The following TSPAN5 variants were observed in gnomAD, a reference collection of about 807,000 sequenced individuals.
The protein encoded by TSPAN5 is tetraspanin-5.
A neutral mutation model predicts 37.1 loss-of-function variants in TSPAN5; 10 were observed. The observed-to-expected ratio is 0.27, with a 90% CI of 0.17 to 0.46. TSPAN5 has a LOEUF of 0.46. TSPAN5 is among the 20% of genes least tolerant of loss of function. TSPAN5 has a pLI of 1.00. For synonymous variants in TSPAN5, 110 were observed against 118.9 expected, an observed-to-expected ratio of 0.93 and a Z score of 0.48; for missense variants, 195 against 326.6, an observed-to-expected ratio of 0.60 and a Z score of 3.11.
At chr4:98,481,006 C>T (rs952046482) in intron 4 of TSPAN5, among the ~76,000 whole-genome samples, 1 of 151,988 alleles carries the variant, frequency 6.6e-6, no homozygotes, top group Non-Finnish European at 1.5e-5. Flanking sequence ...TATCCAACCC[C>T]AAGAAGGCTA....
chr4:98,518,658 T>G (rs529679332), intron 1 of TSPAN5, among the ~76,000 whole-genome samples: 1 of 152,332 alleles, frequency 6.6e-6, no homozygotes, highest in East Asian at 1.9e-4. Context: ...TGCAAGTGGT[T>G]CCAGGGCTGG....
rs1362114676 is a variant in TSPAN5, at chr4:98,470,951, G to A, written c.*1571C>T. 4 of 152,182 alleles carry A rather than the reference G, an allele frequency of 2.6e-5. No homozygotes were observed. Among genetic ancestry groups the A allele is most frequent in the African/African-American group, 9.7e-5 (4 of 41,430 alleles). 9.4% of individuals were successfully genotyped at this position (152,182 alleles called of 1,614,324 possible). A position where few individuals can be genotyped will look rare whatever the true frequency, so the allele number is the denominator to read the frequency against. ...AAAATGTGCCTGTGGTTTTCCCAGA[G>A]TTCCACAGACTGATATCTGCTCCCC... On this transcript the variant is annotated 3_prime_UTR_variant, in exon 8 of 8. Transcript: ENST00000305798.
intron 2 of TSPAN5, among the ~76,000 whole-genome samples, chr4:98,489,514 A>G (rs1753041211): frequency 6.6e-6 from 1 of 152,100 alleles, no homozygotes; most frequent in South Asian, 2.1e-4. Flanking sequence ...ACTCTATTAA[A>G]TCTTGCAAAC....
intron 1 of TSPAN5, among the ~76,000 whole-genome samples, chr4:98,619,585 A>G (rs538750721): frequency 6.6e-6 from 1 of 152,348 alleles, no homozygotes; most frequent in African/African-American, 2.4e-5. Flanking sequence ...AGTGAGCAAA[A>G]TAAGCTTACT....
chr4:98,638,057 T>C (rs1344488704), intron 1 of TSPAN5, among the ~76,000 whole-genome samples: 1 of 152,174 alleles, frequency 6.6e-6, no homozygotes, highest in Non-Finnish European at 1.5e-5. Context: ...CACCTGTCTC[T>C]TCTTATTTCA....
intron 1 of TSPAN5, among the ~76,000 whole-genome samples, chr4:98,612,791 C>G (rs1470567561): frequency 6.6e-6 from 1 of 152,214 alleles, no homozygotes; most frequent in Non-Finnish European, 1.5e-5. Context: ...CTCCCTTACT[C>G]TGTCCCCTCA....
intron 1 of TSPAN5, among the ~76,000 whole-genome samples, chr4:98,534,893 C>A (rs1363412017): frequency 6.6e-6 from 1 of 152,070 alleles, no homozygotes; most frequent in African/African-American, 2.4e-5. Context: ...GGTAAATATT[C>A]CTCCATCCCT....
chr4:98,632,544 C>T (rs530159096), intron 1 of TSPAN5, among the ~76,000 whole-genome samples: 11 of 152,122 alleles, frequency 7.2e-5, no homozygotes, highest in Non-Finnish European at 1.5e-4. Context: ...AGCACTGTCA[C>T]GGAAAACCAG....
chr4:98,619,626 T>C (rs1560562475), intron 1 of TSPAN5, among the ~76,000 whole-genome samples: 1 of 152,144 alleles, frequency 6.6e-6, no homozygotes, highest in African/African-American at 2.4e-5. Context: ...GTCAATCAAA[T>C]AATGATGCAA....
At chr4:98,507,574 A>G (rs562497579) in intron 2 of TSPAN5, 104 bp downstream of exon 2, 17 of 764,194 alleles carry the variant, frequency 2.2e-5, no homozygotes, top group Non-Finnish European at 3.1e-5. Flanking sequence ...TTAAAGAGCC[A>G]TGTTTATACT....
intron 1 of TSPAN5, among the ~76,000 whole-genome samples, chr4:98,537,102 T>C (rs971494583): frequency 6.6e-6 from 1 of 152,172 alleles, no homozygotes; most frequent in Non-Finnish European, 1.5e-5. Flanking sequence ...CCCAGATTTG[T>C]GCTTGAAACC....
At chr4:98,484,332 C>T (rs1752913508) in intron 3 of TSPAN5, 2 of 417,502 alleles carry the variant, frequency 4.8e-6, no homozygotes, top group Admixed American at 3.0e-5. Context: ...AGCAAGTCTC[C>T]TAGGGGAATC....
intron 1 of TSPAN5, among the ~76,000 whole-genome samples, chr4:98,527,346 T>C (rs1753983552): frequency 6.6e-6 from 1 of 152,102 alleles, no homozygotes; most frequent in African/African-American, 2.4e-5. Flanking sequence ...ATTAGAGAGG[T>C]TTCTTTTGAT....
chr4:98,477,616 C>T (rs904108444), intron 5 of TSPAN5, among the ~76,000 whole-genome samples: 1 of 150,994 alleles, frequency 6.6e-6, no homozygotes. Context: ...CACAGAGATG[C>T]GTGGAGTAAC....
intron 1 of TSPAN5, among the ~76,000 whole-genome samples, chr4:98,569,896 G>C (rs1199206871): frequency 6.6e-6 from 1 of 152,184 alleles, no homozygotes; most frequent in Non-Finnish European, 1.5e-5. Context: ...CAATGTACCA[G>C]ATATTACTCT....
rs116570168 is a variant in TSPAN5, at chr4:98,630,364, C to T, written c.81+27782G>A. On this transcript the variant is annotated intron_variant, in intron 1 of 7. Coordinates refer to ENST00000305798, the MANE Select transcript of TSPAN5 (RefSeq NM_005723.4). ...TCCAATACATACAGCAGCACCACCT[C>T]CTCTAAAACATTCCCTCATTACCTG... Among the ~76,000 whole-genome samples the T allele has an allele frequency of 8.2e-3, 1,252 of 152,328 alleles. 23 individuals carry two copies. Among genetic ancestry groups the T allele is most frequent in the African/African-American group, 0.029 (1,194 of 41,578 alleles).
intron 1 of TSPAN5, among the ~76,000 whole-genome samples, chr4:98,608,302 T>A (rs941177135): frequency 6.6e-6 from 1 of 152,170 alleles, no homozygotes; most frequent in Non-Finnish European, 1.5e-5. Flanking sequence ...GCCATGGAAC[T>A]TCTTCCCCAG....
chr4:98,519,438 C>T (rs1560521018), intron 1 of TSPAN5, among the ~76,000 whole-genome samples: 1 of 151,918 alleles, frequency 6.6e-6, no homozygotes, highest in Non-Finnish European at 1.5e-5. Context: ...TTCAAGGTTA[C>T]ATTGAGGTAT....
At chr4:98,483,334 T>C (rs1456459462) in intron 3 of TSPAN5, 1 of 151,774 alleles carries the variant, frequency 6.6e-6, no homozygotes, top group African/African-American at 2.4e-5. Flanking sequence ...AAGAGAAAAA[T>C]GTATTGGGGA....
Sources: allele counts gnomAD v4.1 joint callset (sites outside exome capture counted in the v4.1 genomes callset), GRCh38; gene constraint gnomAD v4.1.1; transcripts MANE v1.5; gene names NCBI Gene and HGNC (gene_info 2026-07-23, HGNC 2026-07-21).